Variants in SCAPER observed in about 807,000 individuals in gnomAD.
SCAPER encodes the protein S phase cyclin A-associated protein in the endoplasmic reticulum.
In SCAPER, 98 loss-of-function variants were observed where a neutral mutation model predicts 182.2. That is an observed-to-expected ratio of 0.54 (90% CI 0.46 to 0.64). The LOEUF is 0.64. SCAPER is among the 30% of genes least tolerant of loss of function. SCAPER has a pLI of 0.00. For synonymous variants in SCAPER, 605 were observed against 564.6 expected (o/e 1.07, Z -1.01); for missense variants, 1,432 against 1,690.0 (o/e 0.85, Z 2.68).
At chr15:76,641,685 A>T (rs924696899) in intron 21 of SCAPER, among the ~76,000 whole-genome samples, 2 of 152,198 alleles carry the variant, frequency 1.3e-5, no homozygotes, top group African/African-American at 4.8e-5. Context: ...ACCCAGCAGG[A>T]ACAAGAAAAG....
chr15:76,536,650 T>G lies in SCAPER; in HGVS notation c.2839-31676A>C, dbSNP rs889793534. ...AACTGGAAGCATTCCCTTTGAAAAC[T>G]GGCACAAGACAGGGATGCCCTCTCT... On this transcript the variant is annotated intron_variant, in intron 23 of 31. Coordinates refer to ENST00000563290, the MANE Select transcript of SCAPER (RefSeq NM_020843.4). 2.0e-4 allele frequency among the ~76,000 whole-genome samples: 30 copies of G among 152,164 alleles called. 1 individual carries two copies. The highest frequency in any genetic ancestry group is 3.4e-3 in the Middle Eastern group (1 of 294).
At chr15:76,751,566 T>C (rs964696168) in intron 15 of SCAPER, among the ~76,000 whole-genome samples, 8 of 151,674 alleles carry the variant, frequency 5.3e-5, no homozygotes, top group African/African-American at 1.9e-4. Context: ...GGCTAAGAAA[T>C]AGACCCTCAC....
chr15:76,733,208 T>C, intron 16 of SCAPER, 21 bp downstream of exon 16: 1 of 1,551,772 alleles, frequency 6.4e-7, no homozygotes, highest in Non-Finnish European at 8.7e-7. Context: ...AAGCAATGTT[T>C]GCTGAATAAA....
At chr15:76,395,469 C>T (rs111487319) in intron 27 of SCAPER, among the ~76,000 whole-genome samples, 16,575 of 152,142 alleles carry the variant, frequency 0.11, 1,244 homozygotes, top group African/African-American at 0.21. Flanking sequence ...CCACCAACAG[C>T]GTATGAGGGT....
intron 21 of SCAPER, among the ~76,000 whole-genome samples, chr15:76,638,423 C>T (rs1285632489): frequency 6.6e-6 from 1 of 152,068 alleles, no homozygotes; most frequent in Admixed American, 6.6e-5. Flanking sequence ...CAGTGGCAGA[C>T]ACATTCTGTC....
At chr15:76,678,450 T>C (rs1280823442) in intron 20 of SCAPER, among the ~76,000 whole-genome samples, 1 of 152,060 alleles carries the variant, frequency 6.6e-6, no homozygotes, top group Non-Finnish European at 1.5e-5. Flanking sequence ...TTATTAAGTA[T>C]ACCACCGCTT....
intron 25 of SCAPER, among the ~76,000 whole-genome samples, chr15:76,447,878 C>G (rs16968242): frequency 0.084 from 12,806 of 152,132 alleles, 659 homozygotes; most frequent in African/African-American, 0.13. Flanking sequence ...GATAAGTAAA[C>G]TCATGGTCTT....
intron 27 of SCAPER, among the ~76,000 whole-genome samples, chr15:76,396,845 A>G (rs541954909): frequency 6.6e-6 from 1 of 152,240 alleles, no homozygotes; most frequent in Admixed American, 6.5e-5. Flanking sequence ...TTCTAGTATG[A>G]TGTTGAGTAA....
At chr15:76,507,719 A>G (rs2041710255) in intron 23 of SCAPER, among the ~76,000 whole-genome samples, 3 of 152,204 alleles carry the variant, frequency 2.0e-5, no homozygotes, top group African/African-American at 4.8e-5. Flanking sequence ...TTTTGTGACT[A>G]TAAGTTCATT....
intron 21 of SCAPER, among the ~76,000 whole-genome samples, chr15:76,646,627 C>A (rs555806136): frequency 6.6e-6 from 1 of 152,282 alleles, no homozygotes; most frequent in South Asian, 2.1e-4. Flanking sequence ...GTCCTCTTTG[C>A]CAAACTATGA....
At chr15:76,494,491 A>G (rs1190067009) in intron 24 of SCAPER, among the ~76,000 whole-genome samples, 3 of 152,204 alleles carry the variant, frequency 2.0e-5, no homozygotes, top group Non-Finnish European at 4.4e-5. Flanking sequence ...CCAATCGACT[A>G]AACAATATTT....
At chr15:76,607,975 G>C (rs909506406) in intron 22 of SCAPER, among the ~76,000 whole-genome samples, 11 of 152,200 alleles carry the variant, frequency 7.2e-5, no homozygotes, top group South Asian at 2.1e-4. Context: ...TCCTCCTGTA[G>C]CTCAGAGTAG....
At chr15:76,564,089 T>A (rs543434990) in intron 23 of SCAPER, among the ~76,000 whole-genome samples, 1 of 152,100 alleles carries the variant, frequency 6.6e-6, no homozygotes, top group African/African-American at 2.4e-5. Context: ...GGAAACTTTA[T>A]CCTTGAAAGC....
At chr15:76,637,731 T>TGTG (rs1232611428) in intron 21 of SCAPER, among the ~76,000 whole-genome samples, 1 of 28,590 alleles carries the variant, frequency 3.5e-5, no homozygotes, top group Non-Finnish European at 7.7e-5. Flanking sequence ...ATTATATATA[T>TGTG]ATATATATAT....
At chr15:76,856,364 C>T (rs907060147) in intron 4 of SCAPER, among the ~76,000 whole-genome samples, 10 of 151,892 alleles carry the variant, frequency 6.6e-5, no homozygotes, top group Non-Finnish European at 1.2e-4. Flanking sequence ...CCCCATGAAA[C>T]GAGTTTACCT....
chr15:76,662,690 T>G (rs75113332), intron 21 of SCAPER, among the ~76,000 whole-genome samples: 1,818 of 152,234 alleles, frequency 0.012, 23 homozygotes, highest in African/African-American at 0.04. Flanking sequence ...GATAGATTTT[T>G]TTAAATCAAG....
At chr15:76,363,088 C>T (rs909714225) in intron 29 of SCAPER, among the ~76,000 whole-genome samples, 7 of 152,232 alleles carry the variant, frequency 4.6e-5, no homozygotes, top group African/African-American at 1.7e-4. Flanking sequence ...GGCCCTGCTC[C>T]AGATACCAGA....
chr15:76,609,406 G>A (rs2050776510), intron 22 of SCAPER, among the ~76,000 whole-genome samples: 1 of 151,856 alleles, frequency 6.6e-6, no homozygotes, highest in Non-Finnish European at 1.5e-5. Flanking sequence ...GGAGTTGCCT[G>A]AACCCAGGTG....
At chr15:76,804,925 C>T (rs769952210) in intron 5 of SCAPER, among the ~76,000 whole-genome samples, 3 of 152,080 alleles carry the variant, frequency 2.0e-5, no homozygotes, top group Non-Finnish European at 4.4e-5. Context: ...GAAAAGTACA[C>T]TAAACATAAA....
Sources: gnomAD v4.1 joint callset for allele counts (sites outside exome capture counted in the v4.1 genomes callset) on GRCh38, gnomAD v4.1.1 for gene constraint, MANE v1.5 for transcripts, NCBI Gene and HGNC (gene_info 2026-07-23, HGNC 2026-07-21) for gene names.